MITF: variants seen among roughly 807,000 people sequenced by gnomAD.
MITF encodes the protein microphthalmia-associated transcription factor.
In MITF, 17 loss-of-function variants were observed where a neutral mutation model predicts 60.5. That is an observed-to-expected ratio of 0.28 (90% CI 0.19 to 0.42). The LOEUF (loss-of-function observed/expected upper bound fraction) is 0.42, where lower values mean the gene tolerates loss of function less well. MITF is among the 10% of genes least tolerant of loss of function. The pLI is 1.00. For synonymous variants in MITF, 260 were observed against 248.5 expected (o/e 1.05, Z -0.43); for missense variants, 622 against 683.5 (o/e 0.91, Z 1.00).
At chr3:69,864,932 A>G (rs938002953) in intron 1 of MITF, among the ~76,000 whole-genome samples, 1 of 152,068 alleles carries the variant, frequency 6.6e-6, no homozygotes, top group Non-Finnish European at 1.5e-5. Context: ...TGACCCTTAA[A>G]TTTTAACTTT....
chr3:69,922,261 C>T (rs770526518), intron 2 of MITF, among the ~76,000 whole-genome samples: 25 of 152,074 alleles, frequency 1.6e-4, no homozygotes, highest in Admixed American at 2.6e-4. Flanking sequence ...CTCACTCTGT[C>T]GCCAGGCTGG....
intron 2 of MITF, among the ~76,000 whole-genome samples, chr3:69,888,359 G>A (rs753760974): frequency 6.6e-5 from 10 of 151,562 alleles, no homozygotes; most frequent in Non-Finnish European, 1.3e-4. Context: ...TTTTTCTAGT[G>A]AAGTAGTAAA....
chr3:69,942,375 A>T (rs1250047717), intron 5 of MITF, among the ~76,000 whole-genome samples: 1 of 152,168 alleles, frequency 6.6e-6, no homozygotes. Flanking sequence ...AACTTCCAGT[A>T]GTAAATTCCC....
intron 1 of MITF, among the ~76,000 whole-genome samples, chr3:69,832,417 T>C (rs1379182767): frequency 6.6e-6 from 1 of 152,240 alleles, no homozygotes; most frequent in African/African-American, 2.4e-5. Context: ...TACTATGTGT[T>C]AGACCTTGGG....
At chr3:69,817,405 A>G (rs2063198415) in intron 1 of MITF, among the ~76,000 whole-genome samples, 2 of 152,152 alleles carry the variant, frequency 1.3e-5, no homozygotes, top group Non-Finnish European at 1.5e-5. Flanking sequence ...TATTTGAGAA[A>G]TTGTTGAATT....
chr3:69,818,382 T>C (rs1575761308), intron 1 of MITF, among the ~76,000 whole-genome samples: 1 of 152,234 alleles, frequency 6.6e-6, no homozygotes, highest in East Asian at 1.9e-4. Flanking sequence ...CTTTCCTCTT[T>C]AACTCCGTCC....
chr3:69,776,716 T>TA, intron 1 of MITF, among the ~76,000 whole-genome samples: 2 of 152,302 alleles, frequency 1.3e-5, no homozygotes, highest in East Asian at 3.9e-4. Flanking sequence ...ATGATTCTAG[T>TA]TATAATGTCA....
At chr3:69,892,752 G>C (rs1227068313) in intron 2 of MITF, among the ~76,000 whole-genome samples, 1 of 152,192 alleles carries the variant, frequency 6.6e-6, no homozygotes, top group African/African-American at 2.4e-5. Context: ...CCTGACATCT[G>C]TAATTCCCCC....
chr3:69,891,481 A>G (rs1575896223), intron 2 of MITF, among the ~76,000 whole-genome samples: 1 of 152,302 alleles, frequency 6.6e-6, no homozygotes, highest in South Asian at 2.1e-4. Flanking sequence ...TTAGAAATAC[A>G]GATTCCCTGT....
intron 1 of MITF, among the ~76,000 whole-genome samples, chr3:69,858,520 G>A (rs1289266634): frequency 6.6e-6 from 1 of 152,052 alleles, no homozygotes; most frequent in African/African-American, 2.4e-5. Context: ...CTTCCTGTGT[G>A]ACTCCTGGGT....
At position 69,768,173 on chromosome 3, in the gene MITF, A is replaced by G. The variant is rs556521719; in HGVS notation, c.104+28472A>G. On this transcript the variant is annotated intron_variant, in intron 1 of 9. Transcript: ENST00000352241. ...TGCATGAGCAAAATTCTTAGGGTCC[A>G]TGCTCTCCACAGATTCCCCTCCTTT... 7.9e-5 allele frequency among the ~76,000 whole-genome samples: 12 copies of G among 152,328 alleles called. No homozygotes were observed. The East Asian group carries it at 2.1e-3, about 27-fold the overall frequency.
At chr3:69,922,348 A>C (rs1304343269) in intron 2 of MITF, among the ~76,000 whole-genome samples, 2 of 152,042 alleles carry the variant, frequency 1.3e-5, no homozygotes, top group Non-Finnish European at 2.9e-5. Context: ...CAGCCTCCCA[A>C]GTAGCTGGGA....
chr3:69,793,796 T>C (rs1355355790), intron 1 of MITF, among the ~76,000 whole-genome samples: 2 of 152,212 alleles, frequency 1.3e-5, no homozygotes, highest in East Asian at 3.9e-4. Flanking sequence ...AGTTCCTGTG[T>C]ACAAGCCAGC....
chr3:69,958,673 A>G (rs2066461126), intron 8 of MITF, among the ~76,000 whole-genome samples: 1 of 152,144 alleles, frequency 6.6e-6, no homozygotes, highest in African/African-American at 2.4e-5. Flanking sequence ...TCACTGAGTT[A>G]ACTTTTGTAG....
chr3:69,783,081 C>A (rs1288461985), intron 1 of MITF, among the ~76,000 whole-genome samples: 1 of 152,126 alleles, frequency 6.6e-6, no homozygotes, highest in Non-Finnish European at 1.5e-5. Context: ...CACCTTTTGA[C>A]CTTATTCCAT....
chr3:69,767,538 T>C (rs2062317958), intron 1 of MITF, among the ~76,000 whole-genome samples: 1 of 152,034 alleles, frequency 6.6e-6, no homozygotes, highest in Admixed American at 6.6e-5. Context: ...TCAGCCGAGA[T>C]TGCGCCACTG....
intron 2 of MITF, among the ~76,000 whole-genome samples, chr3:69,929,117 C>T (rs1399243828): frequency 2.0e-5 from 3 of 152,104 alleles, no homozygotes; most frequent in Non-Finnish European, 4.4e-5. Flanking sequence ...CAGAGGTGGT[C>T]AGAATCCTAG....
At chr3:69,808,141 A>C (rs1479588280) in intron 1 of MITF, among the ~76,000 whole-genome samples, 1 of 148,190 alleles carries the variant, frequency 6.7e-6, no homozygotes, top group African/African-American at 2.4e-5. Flanking sequence ...AAATATATAA[A>C]TATATATATA....
At chr3:69,943,483 G>A (rs2066019434) in intron 5 of MITF, among the ~76,000 whole-genome samples, 1 of 151,994 alleles carries the variant, frequency 6.6e-6, no homozygotes, top group East Asian at 1.9e-4. Context: ...ACTTGGTAAA[G>A]CATCTGTAGT....
Sources: allele counts gnomAD v4.1 joint callset (sites outside exome capture counted in the v4.1 genomes callset), GRCh38; gene constraint gnomAD v4.1.1; transcripts MANE v1.5; gene names NCBI Gene and HGNC (gene_info 2026-07-23, HGNC 2026-07-21).